The following TAFA1 variants were observed in gnomAD, a reference collection of about 807,000 sequenced individuals.
TAFA1 encodes TAFA chemokine like family member 1.
Under a neutral mutation model 18.5 loss-of-function variants are expected in TAFA1, and 4 were observed. That is an observed-to-expected ratio of 0.22 (90% CI 0.11 to 0.49). TAFA1 has a LOEUF of 0.49. TAFA1 is among the 20% of genes least tolerant of loss of function. The pLI is 0.98. For synonymous variants in TAFA1, 56 were observed against 55.2 expected, an observed-to-expected ratio of 1.01 and a Z score of -0.06; for missense variants, 147 against 169.0, an observed-to-expected ratio of 0.87 and a Z score of 0.72.
At chr3:68,406,399 C>G (rs2070610081) in intron 2 of TAFA1, among the ~76,000 whole-genome samples, 1 of 152,042 alleles carries the variant, frequency 6.6e-6, no homozygotes, top group Non-Finnish European at 1.5e-5. Context: ...AATATTGCAC[C>G]CTAGAATGAA....
At chr3:68,425,990 G>C (rs1051177606) in intron 3 of TAFA1, among the ~76,000 whole-genome samples, 1 of 151,782 alleles carries the variant, frequency 6.6e-6, no homozygotes, top group Admixed American at 6.6e-5. Context: ...GTGGTAACAA[G>C]CTCATACAGT....
At chr3:68,422,482 C>G (rs1469545520) in intron 3 of TAFA1, among the ~76,000 whole-genome samples, 1 of 152,016 alleles carries the variant, frequency 6.6e-6, no homozygotes, top group Admixed American at 6.6e-5. Context: ...AATTTCAGGT[C>G]AGTTGCCTTT....
chr3:68,448,365 C>A (rs967346466), intron 3 of TAFA1, among the ~76,000 whole-genome samples: 2 of 152,110 alleles, frequency 1.3e-5, no homozygotes, highest in Non-Finnish European at 2.9e-5. Context: ...TTTATTAATA[C>A]AGTAAATAAC....
intron 2 of TAFA1, among the ~76,000 whole-genome samples, chr3:68,186,691 C>A (rs541631799): frequency 1.4e-4 from 22 of 152,086 alleles, no homozygotes; most frequent in Admixed American, 1.4e-3. Flanking sequence ...ATCCAGGGAC[C>A]CAACCTGCCT....
intron 2 of TAFA1, among the ~76,000 whole-genome samples, chr3:68,056,779 G>A (rs570393953): frequency 4.6e-5 from 7 of 152,214 alleles, no homozygotes; most frequent in African/African-American, 7.2e-5. Context: ...TGCTGGCCAC[G>A]AATAGTATGG....
intron 2 of TAFA1, among the ~76,000 whole-genome samples, chr3:68,313,995 A>G (rs2068564883): frequency 6.6e-6 from 1 of 152,264 alleles, no homozygotes; most frequent in African/African-American, 2.4e-5. Flanking sequence ...TTTTTTCAAC[A>G]TTAATCCAAG....
chr3:68,254,004 TA>T (rs545917113), intron 2 of TAFA1, among the ~76,000 whole-genome samples: 30 of 152,156 alleles, frequency 2.0e-4, no homozygotes, highest in Non-Finnish European at 3.7e-4. Context: ...TAAAAATGAC[TA>T]CAGCATTAGT....
At chr3:68,496,797 A>G (rs949236380) in intron 3 of TAFA1, among the ~76,000 whole-genome samples, 4 of 152,136 alleles carry the variant, frequency 2.6e-5, no homozygotes. Context: ...TTTCTTCTCT[A>G]TGGTGGGGGT....
intron 2 of TAFA1, among the ~76,000 whole-genome samples, chr3:68,068,937 A>T (rs994329122): frequency 6.6e-6 from 1 of 152,244 alleles, no homozygotes; most frequent in Admixed American, 6.5e-5. Flanking sequence ...ACTCTAATAC[A>T]AAGGTTGTCA....
chr3:68,246,016 C>T (rs547193251), intron 2 of TAFA1, among the ~76,000 whole-genome samples: 2 of 152,326 alleles, frequency 1.3e-5, no homozygotes, highest in South Asian at 4.1e-4. Flanking sequence ...GGACAGGGAT[C>T]TGTGTGTTTT....
chr3:68,142,486 T>G (rs1230134231), intron 2 of TAFA1, among the ~76,000 whole-genome samples: 1 of 152,230 alleles, frequency 6.6e-6, no homozygotes, highest in African/African-American at 2.4e-5. Flanking sequence ...ACTGTGCATG[T>G]GCAGTCCTTG....
chr3:68,020,587 A>C (rs1447756), intron 2 of TAFA1, among the ~76,000 whole-genome samples: 1 of 152,050 alleles, frequency 6.6e-6, no homozygotes, highest in Admixed American at 6.6e-5. Flanking sequence ...AGGATGGAAC[A>C]GATAAACTGC....
At chr3:68,458,793 T>C (rs1234330050) in intron 3 of TAFA1, among the ~76,000 whole-genome samples, 1 of 152,030 alleles carries the variant, frequency 6.6e-6, no homozygotes. Context: ...TCCCACTTTT[T>C]TTTTTTTTAA....
intron 3 of TAFA1, among the ~76,000 whole-genome samples, chr3:68,472,574 G>C (rs1333598662): frequency 6.6e-6 from 1 of 151,628 alleles, no homozygotes; most frequent in Non-Finnish European, 1.5e-5. Flanking sequence ...AAGATAAGTA[G>C]ATTGTATCAT....
At chr3:68,130,754 C>G (rs548016757) in intron 2 of TAFA1, among the ~76,000 whole-genome samples, 1 of 152,266 alleles carries the variant, frequency 6.6e-6, no homozygotes, top group African/African-American at 2.4e-5. Flanking sequence ...ACCTTTGCAC[C>G]TCTGGATCCA....
chr3:68,470,154 A>C (rs1267316621), intron 3 of TAFA1, among the ~76,000 whole-genome samples: 2 of 152,198 alleles, frequency 1.3e-5, no homozygotes, highest in Non-Finnish European at 2.9e-5. Flanking sequence ...GTTTTCCTGC[A>C]CAAGCTCTCT....
intron 2 of TAFA1, among the ~76,000 whole-genome samples, chr3:68,355,159 T>C (rs2069338023): frequency 6.6e-6 from 1 of 151,922 alleles, no homozygotes; most frequent in Admixed American, 6.6e-5. Context: ...GTCTTGCAGA[T>C]GGGGTCTATC....
At chr3:68,475,413 G>C (rs902597169) in intron 3 of TAFA1, among the ~76,000 whole-genome samples, 15 of 151,294 alleles carry the variant, frequency 9.9e-5, no homozygotes, top group African/African-American at 3.6e-4. Flanking sequence ...TGTCGTGTTT[G>C]GTTTTTTGTC....
intron 2 of TAFA1, among the ~76,000 whole-genome samples, chr3:68,383,719 C>T (rs1435839089): frequency 1.3e-5 from 2 of 151,948 alleles, no homozygotes; most frequent in African/African-American, 4.8e-5. Flanking sequence ...GGAGGAGTCC[C>T]TCTTCAATTT....
Sources: allele counts gnomAD v4.1 joint callset (sites outside exome capture counted in the v4.1 genomes callset), GRCh38; gene constraint gnomAD v4.1.1; transcripts MANE v1.5; gene names NCBI Gene and HGNC (gene_info 2026-07-23, HGNC 2026-07-21).